Variants in KMT2D observed in about 807,000 individuals in gnomAD.
KMT2D encodes lysine methyltransferase 2D.
KMT2D carries 55 observed loss-of-function variants against 512.7 expected under a neutral mutation model. The ratio of observed to expected loss-of-function variants is 0.11; its 90% CI spans 0.09 to 0.13. KMT2D has a LOEUF of 0.13. Among genes scored for constraint, KMT2D ranks in the 10% least tolerant of loss-of-function variants. The pLI, the probability that KMT2D is intolerant of heterozygous loss-of-function variation, is 1.00. For missense variants in KMT2D, 6,061 were observed against 7,127.9 expected (o/e 0.85, Z 5.39); for synonymous variants, 2,995 against 2,904.0 (o/e 1.03, Z -1.01).
Position 49,031,465 on chromosome 12 carries a change from T to C in KMT2D, c.13240A>G (p.Ser4414Gly), listed in dbSNP as rs781471809. The C allele has an allele frequency of 3.7e-6, 6 of 1,613,766 alleles. No homozygotes were observed. In the East Asian group the frequency reaches 8.9e-5, roughly 24 times the overall value. ...GQVVPEASQL[S>G]IKQEPREEPC... ...TCTTCCCGAGGTTCCTGCTTGATGC[T>C]GAGTTGGGATGCCTCAGGCACCACC... Residue 4414 changes from serine (S) to glycine (G), a missense_variant, in exon 40 of 55, where the codon AGC (serine) becomes GGC (glycine). This residue lies in a region of KMT2D where 1,600 missense variants were observed against 1,754.9 expected (regional missense o/e 0.91). Coordinates refer to ENST00000301067, the MANE Select transcript of KMT2D (RefSeq NM_003482.4).
intron 1 of KMT2D, among the ~76,000 whole-genome samples, chr12:49,055,777 GCCAAC>G (rs1352727735): frequency 6.6e-6 from 1 of 152,136 alleles, no homozygotes; most frequent in Admixed American, 6.5e-5. Context: ...GCCAGTCTGT[GCCAAC>G]CCAGGGGTAG....
Position 49,020,896 on chromosome 12 carries a change from A to G in KMT2D, c.*884T>C, listed in dbSNP as rs750253053. 4 of 195,826 alleles carry G rather than the reference A, an allele frequency of 2.0e-5. No individual in the cohort carries two copies. The highest frequency in any genetic ancestry group is 2.3e-5 in the African/African-American group (1 of 43,098). The allele number at this position is 195,826 out of a possible 1,614,324, so 12.1% of individuals were successfully genotyped here. A position where few individuals can be genotyped will look rare whatever the true frequency, so the allele number is the denominator to read the frequency against. On this transcript the variant is annotated 3_prime_UTR_variant, in exon 55 of 55. Coordinates refer to ENST00000301067, the MANE Select transcript of KMT2D (RefSeq NM_003482.4). Reference sequence around the variant, plus strand: ...AGCAACTAGGGGCCAGTCATCCCCAATCTTCATCATCATTTGCCTCAACCA... The same window carrying G: ...AGCAACTAGGGGCCAGTCATCCCCAGTCTTCATCATCATTTGCCTCAACCA...
rs761346762 is a variant in KMT2D at position 49,039,630 on chromosome 12, AAG to A, written c.8047-15_8047-14del. On this transcript the variant is annotated splice_polypyrimidine_tract_variant and intron_variant, in intron 32 of 54. Transcript: ENST00000301067. This position sits in a 1 kb window ranked among gnomAD's most constrained non-coding sequence, Gnocchi z 5.0. ...GTAGTCGCTGGCGCTATGCAAAAAA[AAG>A]AGAAGAGGAATAAGCCCATTCTACT... The A allele has an allele frequency of 6.2e-7, 1 of 1,605,688 alleles. No homozygotes were observed. The highest frequency in any genetic ancestry group is 1.3e-5 in the African/African-American group (1 of 74,948).
Position 49,046,617 on chromosome 12 carries a change from C to T in KMT2D, c.4410G>A (p.Lys1470=), listed in dbSNP as rs1160172749. The T allele has an allele frequency of 6.2e-7, 1 of 1,611,366 alleles. No homozygotes were observed. Among genetic ancestry groups the T allele is most frequent in the Non-Finnish European group, 8.5e-7 (1 of 1,178,072 alleles). The change falls in exon 16 of 55, where the codon AAG becomes AAA. Residue 1470 remains lysine (K), a synonymous_variant. Coordinates refer to ENST00000301067, the MANE Select transcript of KMT2D (RefSeq NM_003482.4). This position sits in a 1 kb window ranked among gnomAD's most constrained non-coding sequence, Gnocchi z 4.2. ...PLLTVPKGGW[K]CKWCVSCMQC... ...GATCCCAGTCTCCTTACCACTTGCA[C>T]TTCCAGCCGCCCTTGGGGACGGTGA...
Position 49,028,825 on chromosome 12 carries a change from C to T in KMT2D, c.14382+3G>A, listed in dbSNP as rs2120386296. On this transcript the variant is annotated splice_donor_region_variant and intron_variant, in intron 46 of 54. Transcript: ENST00000301067. ...TCAGCCTCGAGGTACCCCTAGGACA[C>T]ACCTTGGCTGCAGCAGCAGAGACTG... 4.3e-6 allele frequency: 7 copies of T among 1,613,832 alleles called. No individual in the cohort carries two copies. Among genetic ancestry groups the T allele is most frequent in the Non-Finnish European group, 5.9e-6 (7 of 1,179,840 alleles).
In KMT2D at chr12:49,022,082, G is replaced by T; in HGVS notation, c.16482C>A (p.Ile5494=). The T allele has an allele frequency of 6.2e-7, 1 of 1,613,950 alleles. No individual in the cohort carries two copies. Among genetic ancestry groups the T allele is most frequent in the Non-Finnish European group, 8.5e-7 (1 of 1,179,880 alleles). ...EVVTFDKEDK[I]IIISSRRIPK... ...GGATTCGCCGGCTGGAGATGATGAT[G>T]ATTTTGTCCTCTTTGTCAAATGTCA... Residue 5494 remains isoleucine, a synonymous_variant, in exon 54 of 55, where the codon ATC becomes ATA. Transcript: ENST00000301067. This position sits in a 1 kb window ranked among gnomAD's most constrained non-coding sequence, Gnocchi z 8.6.
chr12:49,031,949 G>A lies in KMT2D; in HGVS notation c.12756C>T (p.Pro4252=). ...PYQEPGTQTS[P]LQGLLGCQPQ... ...GTTGGCAGCCCAGGAGGCCCTGGAGGGGAGAGGTCTGGGTCCCAGGCTCCT... is the reference window on the plus strand; with the variant it reads ...GTTGGCAGCCCAGGAGGCCCTGGAGAGGAGAGGTCTGGGTCCCAGGCTCCT... Residue 4252 remains proline, a synonymous_variant, in exon 40 of 55, where the codon CCC becomes CCT. Coordinates refer to ENST00000301067, the MANE Select transcript of KMT2D (RefSeq NM_003482.4). The A allele has an allele frequency of 6.4e-7, 1 of 1,551,982 alleles. No homozygotes were observed. Among genetic ancestry groups the A allele is most frequent in the Middle Eastern group, 1.7e-4 (1 of 5,746 alleles).
intron 46 of KMT2D, among the ~76,000 whole-genome samples, chr12:49,028,363 G>A (rs970531775): frequency 2.6e-5 from 4 of 152,164 alleles, no homozygotes; most frequent in Admixed American, 6.5e-5. Context: ...CATCAACTAC[G>A]TTTAGGAAAT....
At position 49,041,260 on chromosome 12, in the gene KMT2D, T is replaced by C. The variant is rs753121118; in HGVS notation, c.6510A>G (p.Gln2170=). 6.6e-7 allele frequency: 1 copy of C among 1,518,196 alleles called. No homozygotes were observed. The highest frequency in any genetic ancestry group is 1.3e-5 in the South Asian group (1 of 75,112). The allele number at this position is 1,518,196 out of a possible 1,614,324, so 94.0% of individuals were successfully genotyped here. The change falls in exon 32 of 55, where the codon CAA becomes CAG. Residue 2170 remains glutamine (Q), a synonymous_variant. Coordinates refer to ENST00000301067, the MANE Select transcript of KMT2D (RefSeq NM_003482.4). This position sits in a 1 kb window ranked among gnomAD's most constrained non-coding sequence, Gnocchi z 5.4. ...GTCCAAAGGGGTCCTGCGAAGGCAC[T>C]TGGGCGGGCACCTGGGGTGGGAGCT... ...FLKLPPQVPA[Q]VPSQDPFGLA...
At position 49,044,132 on chromosome 12, in the gene KMT2D, A is replaced by T. The variant is rs1027094871; in HGVS notation, c.5188+68T>A. 34 of 1,585,376 alleles carry T rather than the reference A, an allele frequency of 2.1e-5. No homozygotes were observed. The highest frequency in any genetic ancestry group is 2.3e-4 in the Middle Eastern group (1 of 4,422). On this transcript the variant is annotated intron_variant, in intron 22 of 54. Coordinates refer to ENST00000301067, the MANE Select transcript of KMT2D (RefSeq NM_003482.4). The surrounding 1 kb of genome is among the most constrained non-coding windows in gnomAD (Gnocchi z 6.4). ...CCCTCTTGGCCCTTTCAATGAGTCC[A>T]CCCCCTGGGTCTCTCTAGCATTGCC...
In KMT2D at chr12:49,038,408, G is replaced by A. The variant is rs2120496628; in HGVS notation, c.8948C>T (p.Ala2983Val). 1 of 1,613,774 alleles carries A rather than the reference G, an allele frequency of 6.2e-7. No homozygotes were observed. The highest frequency in any genetic ancestry group is 1.1e-5 in the South Asian group (1 of 91,080). ...LGRPNPLALE[A>V]GKLPCEDPEL... ...GGGATCCTCACAGGGCAACTTCCCA[G>A]CTTCCAGGGCCAGAGGATTGGGGCG... The change falls in exon 35 of 55, where the codon GCT becomes GTT. Residue 2983 changes from alanine to valine, a missense_variant. This residue lies in a region of KMT2D where 527 missense variants were observed against 578.9 expected (regional missense o/e 0.91). Coordinates refer to ENST00000301067, the MANE Select transcript of KMT2D (RefSeq NM_003482.4). The surrounding 1 kb of genome is among the most constrained non-coding windows in gnomAD (Gnocchi z 5.7).
rs1187915841 is a variant in KMT2D at position 49,040,828 on chromosome 12, G to A, written c.6942C>T (p.Thr2314=). The change falls in exon 32 of 55, where the codon ACC becomes ACT. Residue 2314 remains threonine, a synonymous_variant. Transcript: ENST00000301067. ...TCTTTAACTCCAGGCCACCCAGGTGGGTGCCTGAGGAGGGTGAGTCAACAA... is the reference window on the plus strand; with the variant it reads ...TCTTTAACTCCAGGCCACCCAGGTGAGTGCCTGAGGAGGGTGAGTCAACAA... ...LGFVDSPSSG[T]HLGGLELKTP... 1 of 1,613,764 alleles carries A rather than the reference G, an allele frequency of 6.2e-7. No individual in the cohort carries two copies. Among genetic ancestry groups the A allele is most frequent in the Non-Finnish European group, 8.5e-7 (1 of 1,179,752 alleles).
At position 49,050,563 on chromosome 12, in the gene KMT2D, C is replaced by T. The variant is rs551523882; in HGVS notation, c.3025G>A (p.Val1009Met). 1 of 1,603,520 alleles carries T rather than the reference C, an allele frequency of 6.2e-7. No homozygotes were observed. Among genetic ancestry groups the T allele is most frequent in the East Asian group, 2.2e-5 (1 of 44,650 alleles). ...ATCAGGATGGGAGAAGCCGGCCCCACTGGGGAGCCTGGAGATGGGGGAAGG... is the reference window on the plus strand; with the variant it reads ...ATCAGGATGGGAGAAGCCGGCCCCATTGGGGAGCCTGGAGATGGGGGAAGG... Reference protein sequence around the residue: ...MILPPSPGSPVGPASPILMEP... With the variant: ...MILPPSPGSPMGPASPILMEP... Residue 1009 changes from valine (V) to methionine (M), a missense_variant, in exon 12 of 55, where the codon GTG (valine) becomes ATG (methionine). Val to Met is a conservative substitution (Grantham distance 21). Coordinates refer to ENST00000301067, the MANE Select transcript of KMT2D (RefSeq NM_003482.4).
rs1229914291 is a variant in KMT2D, at chr12:49,032,543, G to A, written c.12162C>T (p.Thr4054=). The A allele has an allele frequency of 3.1e-6, 5 of 1,608,170 alleles. No homozygotes were observed. Among genetic ancestry groups the A allele is most frequent in the Non-Finnish European group, 4.2e-6 (5 of 1,177,282 alleles). The change falls in exon 40 of 55, where the codon ACC becomes ACT. Residue 4054 remains threonine (T), a synonymous_variant. Transcript: ENST00000301067. ...HQGGPLAIGT[T]PESMATEPGE... ...CTGGTTCAGTGGCCATTGACTCAGGGGTAGTTCCTATTGCTAACGGCCCTC... is the reference window on the plus strand; with the variant it reads ...CTGGTTCAGTGGCCATTGACTCAGGAGTAGTTCCTATTGCTAACGGCCCTC...
intron 51 of KMT2D, among the ~76,000 whole-genome samples, chr12:49,023,180 C>A (rs1565754430): frequency 6.6e-6 from 1 of 152,150 alleles, no homozygotes; most frequent in Admixed American, 6.5e-5. Context: ...TCTCCCATCT[C>A]CCACTTCCTA....
At chr12:49,058,669 G>T (rs149307852) in intron 1 of KMT2D, among the ~76,000 whole-genome samples, 2 of 152,308 alleles carry the variant, frequency 1.3e-5, no homozygotes, top group African/African-American at 4.8e-5. Context: ...GAGAGACACA[G>T]GCCACCCCAT....
intron 51 of KMT2D, 136 bp from the exon 52 acceptor site, chr12:49,023,011 G>C: frequency 1.0e-6 from 1 of 989,082 alleles, no homozygotes; most frequent in Non-Finnish European, 1.4e-6. Context: ...TGGAAGTGCA[G>C]CCTTGGGAAA....
chr12:49,037,454 C>T lies in KMT2D; in HGVS notation c.9902G>A (p.Gly3301Asp), dbSNP rs574890031. Residue 3301 changes from glycine (G) to aspartate (D), a missense_variant, in exon 35 of 55, where the codon GGC (glycine) becomes GAC (aspartate). By Grantham distance (94) the Gly-to-Asp change is moderately conservative. Coordinates refer to ENST00000301067, the MANE Select transcript of KMT2D (RefSeq NM_003482.4). ...PAQAMSLPHE[G>D]SSPSLAGSQQ... is the part of the protein sequence containing the mutation. ...GGACCCAGCCAAACTGGGAGAAGAG[C>T]CCTCATGTGGCAAAGACATGGCCTG... The T allele has an allele frequency of 8.3e-6, 13 of 1,575,352 alleles. No individual in the cohort carries two copies. The African/African-American group carries it at 1.6e-4, about 20-fold the overall frequency.
In KMT2D at chr12:49,038,361, C is replaced by T. The variant is rs767902511; in HGVS notation, c.8995G>A (p.Ala2999Thr). Residue 2999 changes from alanine to threonine, a missense_variant, in exon 35 of 55, where the codon GCC becomes ACC. Physicochemically the swap from Ala to Thr is moderately conservative, Grantham distance 58 (BLOSUM62 0). Around this residue, in one of 16 missense-constraint regions of KMT2D, gnomAD observed 527 missense variants for 578.9 expected, o/e 0.91. Transcript: ENST00000301067. This position sits in a 1 kb window ranked among gnomAD's most constrained non-coding sequence, Gnocchi z 5.7. ...EDPELDDDFD[A>T]HKALEDDEEL... ...TCATCATCCTCTAGGGCCTTGTGGG[C>T]ATCAAAATCGTCATCCAGCTCGGGA... The T allele has an allele frequency of 6.2e-7, 1 of 1,613,882 alleles. No individual in the cohort carries two copies. The highest frequency in any genetic ancestry group is 8.5e-7 in the Non-Finnish European group (1 of 1,179,882).
Sources: gnomAD v4.1 joint callset for allele counts (sites outside exome capture counted in the v4.1 genomes callset) on GRCh38, gnomAD v4.1.1 for gene constraint, gnomAD v4.1.1 regional missense constraint, Gnocchi (gnomAD v3.1) non-coding constraint, MANE v1.5 for transcripts, NCBI Gene and HGNC (gene_info 2026-07-23, HGNC 2026-07-21) for gene names.